RALGAPA2: variants seen among roughly 807,000 people sequenced by gnomAD.
The protein encoded by RALGAPA2 is ral GTPase-activating protein subunit alpha-2.
A neutral mutation model predicts 230.4 loss-of-function variants in RALGAPA2; 139 were observed. The ratio of observed to expected loss-of-function variants is 0.60; its 90% confidence interval spans 0.53 to 0.69. The LOEUF (loss-of-function observed/expected upper bound fraction) is 0.69, where lower values mean the gene tolerates loss of function less well. Ranked by LOEUF, RALGAPA2 falls within the 30% of genes least tolerant of loss-of-function variation. The pLI, the probability that RALGAPA2 is intolerant of heterozygous loss-of-function variation, is 0.00. For missense variants in RALGAPA2, 2,163 were observed against 2,276.0 expected, an observed-to-expected ratio of 0.95 and a Z score of 1.01; for synonymous variants, 847 against 837.8, an observed-to-expected ratio of 1.01 and a Z score of -0.19.
chr20:20,660,191 G>A (rs931005142), intron 3 of RALGAPA2, among the ~76,000 whole-genome samples: 19 of 149,448 alleles, frequency 1.3e-4, no homozygotes, highest in Non-Finnish European at 2.8e-4. Flanking sequence ...TTGCACCACC[G>A]CACTCCAGCC....
chr20:20,593,614 C>T (rs1252796997), intron 16 of RALGAPA2, among the ~76,000 whole-genome samples: 1 of 152,170 alleles, frequency 6.6e-6, no homozygotes, highest in East Asian at 1.9e-4. Flanking sequence ...AAGGGGGAGC[C>T]CAAGAGCTTC....
chr20:20,449,937 A>G (rs1169840184), intron 37 of RALGAPA2, among the ~76,000 whole-genome samples: 3 of 152,216 alleles, frequency 2.0e-5, no homozygotes, highest in African/African-American at 7.2e-5. Context: ...GCAGTAGTCA[A>G]TGGGGATGCC....
At chr20:20,413,717 C>A (rs544737786) in intron 37 of RALGAPA2, among the ~76,000 whole-genome samples, 1 of 152,348 alleles carries the variant, frequency 6.6e-6, no homozygotes, top group Admixed American at 6.5e-5. Context: ...TTCTATACAA[C>A]CTCAAGCAAG....
chr20:20,635,385 C>G (rs957120643), intron 9 of RALGAPA2, 33 bp downstream of exon 9: 1 of 1,534,602 alleles, frequency 6.5e-7, no homozygotes, highest in Non-Finnish European at 8.9e-7. Flanking sequence ...ATTACACAAG[C>G]ATTAACAGAT....
At chr20:20,510,528 T>G (rs79147898) in intron 33 of RALGAPA2, among the ~76,000 whole-genome samples, 3 of 126,718 alleles carry the variant, frequency 2.4e-5, no homozygotes, top group South Asian at 2.4e-4. Flanking sequence ...AAAAGTGGTG[T>G]TTTTTTTTTT....
chr20:20,465,466 A>G (rs984270472), intron 37 of RALGAPA2, among the ~76,000 whole-genome samples: 6 of 152,140 alleles, frequency 3.9e-5, no homozygotes, highest in African/African-American at 2.4e-5. Context: ...CACGCTCCCT[A>G]TGATGGTTGG....
intron 20 of RALGAPA2, among the ~76,000 whole-genome samples, chr20:20,576,714 G>A (rs1215045340): frequency 6.6e-6 from 1 of 151,940 alleles, no homozygotes; most frequent in Admixed American, 6.6e-5. Context: ...GGATGAAAAA[G>A]GTAAAGTTTC....
chr20:20,659,475 C>A (rs912512851), intron 3 of RALGAPA2, among the ~76,000 whole-genome samples: 1 of 152,208 alleles, frequency 6.6e-6, no homozygotes, highest in East Asian at 1.9e-4. Context: ...CAGCCACATA[C>A]CTCCCTTCTT....
intron 9 of RALGAPA2, among the ~76,000 whole-genome samples, chr20:20,632,653 T>C (rs1221493240): frequency 6.6e-6 from 1 of 152,246 alleles, no homozygotes; most frequent in African/African-American, 2.4e-5. Context: ...CTGAGTTTCC[T>C]ACACATAATT....
At chr20:20,696,328 TG>T (rs1292914014) in intron 1 of RALGAPA2, among the ~76,000 whole-genome samples, 7 of 152,194 alleles carry the variant, frequency 4.6e-5, no homozygotes, top group Non-Finnish European at 1.0e-4. Flanking sequence ...GGTCGGTTTT[TG>T]GGCCAAAGAT....
At chr20:20,396,469 G>A (rs560221098) in intron 39 of RALGAPA2, among the ~76,000 whole-genome samples, 27 of 152,358 alleles carry the variant, frequency 1.8e-4, no homozygotes, top group African/African-American at 6.2e-4. Flanking sequence ...TGTTGGTGTC[G>A]GATTCCTCCC....
At chr20:20,549,109 C>T (rs957491833) in intron 23 of RALGAPA2, among the ~76,000 whole-genome samples, 2 of 152,110 alleles carry the variant, frequency 1.3e-5, no homozygotes, top group Non-Finnish European at 2.9e-5. Context: ...CCCTTTTCAC[C>T]ACTGGAATTT....
intron 37 of RALGAPA2, among the ~76,000 whole-genome samples, chr20:20,466,946 T>A (rs2061432702): frequency 6.6e-6 from 1 of 152,230 alleles, no homozygotes; most frequent in African/African-American, 2.4e-5. Flanking sequence ...TGACTTTGCA[T>A]CGTGTCAAAT....
At chr20:20,654,555 G>A (rs973856467) in intron 3 of RALGAPA2, among the ~76,000 whole-genome samples, 1 of 152,214 alleles carries the variant, frequency 6.6e-6, no homozygotes, top group Non-Finnish European at 1.5e-5. Flanking sequence ...GTTCAACCAT[G>A]TTGTCACAAA....
chr20:20,646,851 G>A (rs1247716381), intron 4 of RALGAPA2, among the ~76,000 whole-genome samples: 3 of 151,396 alleles, frequency 2.0e-5, no homozygotes, highest in Non-Finnish European at 4.4e-5. Context: ...AGGAACCAGA[G>A]GGAAAAGAAA....
At chr20:20,707,652 TATATA>T (rs1381539866) in intron 1 of RALGAPA2, among the ~76,000 whole-genome samples, 2 of 152,164 alleles carry the variant, frequency 1.3e-5, no homozygotes, top group African/African-American at 4.8e-5. Context: ...GCTCTGTTTG[TATATA>T]CAGCATTTGT....
At chr20:20,650,276 GTC>G (rs768167149) in intron 4 of RALGAPA2, among the ~76,000 whole-genome samples, 8 of 152,284 alleles carry the variant, frequency 5.3e-5, no homozygotes, top group Non-Finnish European at 1.0e-4. Context: ...GAAATAGAAT[GTC>G]TCTGTTTTCT....
intron 3 of RALGAPA2, among the ~76,000 whole-genome samples, chr20:20,657,349 G>A (rs1411008350): frequency 6.6e-6 from 1 of 152,224 alleles, no homozygotes; most frequent in African/African-American, 2.4e-5. Flanking sequence ...CAAAGAGTAT[G>A]ACCAAGGATG....
At chr20:20,583,005 T>C in intron 20 of RALGAPA2, 45 bp downstream of exon 20, 2 of 1,572,798 alleles carry the variant, frequency 1.3e-6, no homozygotes, top group Non-Finnish European at 1.7e-6. Flanking sequence ...ACAACTGATC[T>C]CCCAGCTGTT....
Sources: allele counts gnomAD v4.1 joint callset (sites outside exome capture counted in the v4.1 genomes callset), GRCh38; gene constraint gnomAD v4.1.1; transcripts MANE v1.5; gene names NCBI Gene and HGNC (gene_info 2026-07-23, HGNC 2026-07-21).